SYT6: variants seen among roughly 807,000 people sequenced by gnomAD.
The protein encoded by SYT6 is synaptotagmin-6.
A neutral mutation model predicts 38.4 loss-of-function variants in SYT6; 24 were observed. That is an observed-to-expected ratio of 0.62 (90% CI 0.45 to 0.88). SYT6 has a LOEUF of 0.88. SYT6 is among the 40% of genes least tolerant of loss of function. The pLI, the probability that SYT6 is intolerant of heterozygous loss-of-function variation, is 0.00. For missense variants in SYT6, 611 were observed against 621.0 expected, an observed-to-expected ratio of 0.98 and a Z score of 0.17; for synonymous variants, 265 against 241.9, an observed-to-expected ratio of 1.10 and a Z score of -0.89.
chr1:114,108,742 C>T (rs1040926035), intron 3 of SYT6, among the ~76,000 whole-genome samples: 6 of 152,210 alleles, frequency 3.9e-5, no homozygotes, highest in Non-Finnish European at 8.8e-5. Context: ...TCTCCAAGGC[C>T]AGTCATGTTT....
At chr1:114,128,269 G>A (rs921954433) in intron 3 of SYT6, among the ~76,000 whole-genome samples, 3 of 152,122 alleles carry the variant, frequency 2.0e-5, no homozygotes, top group South Asian at 2.1e-4. Context: ...ACCTGCATGC[G>A]GGAGTCCAGA....
In SYT6 at chr1:114,092,137, CT is replaced by C. The variant is rs1675341288; in HGVS notation, c.*52-56del. On this transcript the variant is annotated intron_variant, in intron 7 of 7. Coordinates refer to ENST00000610222, the MANE Select transcript of SYT6 (RefSeq NM_001253772.2). ...ATTGCTAAAGGAATTTACATTTCAA[CT>C]TGCAAAACTGAACTGGCCCAATGCA... 1.5e-5 allele frequency: 22 copies of C among 1,498,850 alleles called. No individual in the cohort carries two copies. In the South Asian group the frequency reaches 2.5e-4, roughly 17 times the overall value. The allele number at this position is 1,498,850 out of a possible 1,614,324, so 92.8% of individuals were successfully genotyped here.
At chr1:114,096,241 A>G (rs1261337310) in intron 6 of SYT6, among the ~76,000 whole-genome samples, 1 of 151,934 alleles carries the variant, frequency 6.6e-6, no homozygotes, top group African/African-American at 2.4e-5. Flanking sequence ...CTCCTCACCC[A>G]CACTCTGCAG....
chr1:114,104,338 T>C (rs1475451904), intron 3 of SYT6, among the ~76,000 whole-genome samples: 2 of 152,256 alleles, frequency 1.3e-5, no homozygotes, highest in African/African-American at 2.4e-5. Flanking sequence ...TCTCCTTAAA[T>C]GTGGTCATCC....
chr1:114,116,340 C>G (rs553322429), intron 3 of SYT6, among the ~76,000 whole-genome samples: 2 of 152,158 alleles, frequency 1.3e-5, no homozygotes, highest in Non-Finnish European at 2.9e-5. Context: ...TTGTCCCCAA[C>G]GCGGCAGTTC....
intron 4 of SYT6, among the ~76,000 whole-genome samples, chr1:114,100,239 C>T (rs1571820834): frequency 1.3e-5 from 2 of 152,260 alleles, no homozygotes; most frequent in Admixed American, 6.5e-5. Context: ...AATGGGAGGG[C>T]GGCTCACAGG....
intron 3 of SYT6, among the ~76,000 whole-genome samples, chr1:114,117,420 G>T (rs895873862): frequency 2.0e-5 from 3 of 152,230 alleles, no homozygotes; most frequent in African/African-American, 7.2e-5. Context: ...CTGCCTGCCT[G>T]GTGGGCTGAG....
At chr1:114,131,575 G>A (rs1678156270) in intron 3 of SYT6, among the ~76,000 whole-genome samples, 1 of 152,148 alleles carries the variant, frequency 6.6e-6, no homozygotes, top group Non-Finnish European at 1.5e-5. Flanking sequence ...GTGTATGAGG[G>A]GCTTGGGGAC....
At chr1:114,117,285 G>T (rs1677055461) in intron 3 of SYT6, among the ~76,000 whole-genome samples, 1 of 152,242 alleles carries the variant, frequency 6.6e-6, no homozygotes, top group African/African-American at 2.4e-5. Context: ...GGAGAGCACG[G>T]CCAGCTGCTA....
chr1:114,129,608 CTTTCTTTCCTTTCTTTCTTT>C (rs1677996359), intron 3 of SYT6, among the ~76,000 whole-genome samples: 1 of 76,100 alleles, frequency 1.3e-5, no homozygotes, highest in African/African-American at 4.6e-5. Context: ...TTCTTTCTTT[CTTTCTTTCCTTTCTTTCTTT>C]CTTTCTTTCT....
intron 3 of SYT6, among the ~76,000 whole-genome samples, chr1:114,125,849 C>T (rs1007396777): frequency 2.9e-4 from 44 of 152,146 alleles, no homozygotes; most frequent in African/African-American, 9.4e-4. Context: ...GCTGATGTTG[C>T]TTGTTGGTTT....
In SYT6 at chr1:114,140,893, A is replaced by G. The variant is rs79454054; in HGVS notation, c.164-930T>C. Among the ~76,000 whole-genome samples, 202 of 152,280 alleles carry G rather than the reference A, an allele frequency of 1.3e-3. 1 individual carries two copies. The highest frequency in any genetic ancestry group is 2.3e-3 in the Non-Finnish European group (157 of 68,008). ...ACTATTATGGTTGTTATGGTGATCTATGATCTGTGATCAGTGATCTTGGAT... is the reference window on the plus strand; with the variant it reads ...ACTATTATGGTTGTTATGGTGATCTGTGATCTGTGATCAGTGATCTTGGAT... On this transcript the variant is annotated intron_variant, in intron 1 of 7. Transcript: ENST00000610222.
chr1:114,111,048 T>C (rs1676643575), intron 3 of SYT6, among the ~76,000 whole-genome samples: 1 of 152,150 alleles, frequency 6.6e-6, no homozygotes, highest in South Asian at 2.1e-4. Flanking sequence ...CAGAGTACCT[T>C]CAACACCTCG....
chr1:114,129,635 TTCTTTC>T, intron 3 of SYT6, among the ~76,000 whole-genome samples: 5 of 140,998 alleles, frequency 3.5e-5, no homozygotes, highest in African/African-American at 1.0e-4. Context: ...CTTTCTTTCT[TTCTTTC>T]TCTTTCTTTC....
At chr1:114,109,422 C>T (rs1252820044) in intron 3 of SYT6, among the ~76,000 whole-genome samples, 3 of 152,220 alleles carry the variant, frequency 2.0e-5, no homozygotes, top group East Asian at 3.8e-4. Context: ...GCAGATCCAG[C>T]TTCCAGCTCT....
intron 3 of SYT6, among the ~76,000 whole-genome samples, chr1:114,121,484 G>A (rs759000311): frequency 4.6e-5 from 7 of 152,146 alleles, no homozygotes; most frequent in Non-Finnish European, 1.0e-4. Flanking sequence ...TGTTTTCTAA[G>A]CAACAGGAGG....
chr1:114,126,835 G>T (rs920305932), intron 3 of SYT6, among the ~76,000 whole-genome samples: 3 of 152,316 alleles, frequency 2.0e-5, no homozygotes, highest in African/African-American at 7.2e-5. Flanking sequence ...GGGAAGACAG[G>T]GCTGCGGTCT....
At chr1:114,099,727 G>A (rs956055575) in intron 4 of SYT6, among the ~76,000 whole-genome samples, 23 of 152,138 alleles carry the variant, frequency 1.5e-4, no homozygotes, top group African/African-American at 5.1e-4. Context: ...GTTTTGGGGC[G>A]GGGTAAAAAT....
intron 6 of SYT6, among the ~76,000 whole-genome samples, chr1:114,095,111 G>C (rs1057269136): frequency 5.3e-5 from 8 of 152,212 alleles, no homozygotes; most frequent in African/African-American, 1.7e-4. Context: ...AAAATGGCAG[G>C]ATCGTGCGTG....
Sources: gnomAD v4.1 joint callset for allele counts (sites outside exome capture counted in the v4.1 genomes callset) on GRCh38, gnomAD v4.1.1 for gene constraint, MANE v1.5 for transcripts, NCBI Gene and HGNC (gene_info 2026-07-23, HGNC 2026-07-21) for gene names.